WWOX: variants seen among roughly 807,000 people sequenced by gnomAD.
The protein encoded by WWOX is WW domain containing oxidoreductase, also known as WW domain-containing oxidoreductase.
A neutral mutation model predicts 46.2 loss-of-function variants in WWOX; 69 were observed. The observed-to-expected ratio is 1.49, with a 90% confidence interval of 1.23 to 1.82. WWOX has a LOEUF of 1.82. Among genes scored for constraint, WWOX ranks in the 40% most tolerant of loss-of-function variants. The pLI, the probability that WWOX is intolerant of heterozygous loss-of-function variation, is 0.00. For synonymous variants in WWOX, 359 were observed against 202.6 expected, an observed-to-expected ratio of 1.77 and a Z score of -6.56; for missense variants, 919 against 542.6, an observed-to-expected ratio of 1.69 and a Z score of -6.89.
At chr16:78,654,753 C>A (rs978887078) in intron 8 of WWOX, among the ~76,000 whole-genome samples, 5 of 151,798 alleles carry the variant, frequency 3.3e-5, no homozygotes, top group Non-Finnish European at 4.4e-5. Flanking sequence ...CTTTCTTAAC[C>A]TACATCCTAA....
At chr16:78,432,452 A>G in intron 7 of WWOX, 36 bp from the exon 8 acceptor site, 1 of 1,611,552 alleles carries the variant, frequency 6.2e-7, no homozygotes, top group South Asian at 1.1e-5. Flanking sequence ...GGAAGTCAGA[A>G]CTTGGTTGCT....
At chr16:78,694,495 C>G (rs998774415) in intron 8 of WWOX, among the ~76,000 whole-genome samples, 1 of 152,110 alleles carries the variant, frequency 6.6e-6, no homozygotes, top group Non-Finnish European at 1.5e-5. Context: ...TGCTTTGCTC[C>G]AGTATCCATT....
chr16:78,428,024 C>T (rs1017573923), intron 7 of WWOX, among the ~76,000 whole-genome samples: 5 of 150,474 alleles, frequency 3.3e-5, no homozygotes, highest in African/African-American at 1.2e-4. Context: ...GTGGAGATTG[C>T]ACCAGTGCAC....
chr16:79,192,191 G>C (rs1248566977), intron 8 of WWOX, among the ~76,000 whole-genome samples: 1 of 152,228 alleles, frequency 6.6e-6, no homozygotes, highest in Admixed American at 6.5e-5. Flanking sequence ...AATAGGGAAT[G>C]TGTGTATTTT....
chr16:78,851,186 C>T (rs955841124), intron 8 of WWOX, among the ~76,000 whole-genome samples: 1 of 152,046 alleles, frequency 6.6e-6, no homozygotes, highest in Non-Finnish European at 1.5e-5. Context: ...CTTTGTGAGC[C>T]CACTAAGAGT....
chr16:78,747,647 C>T (rs1004607737), intron 8 of WWOX, among the ~76,000 whole-genome samples: 1 of 152,154 alleles, frequency 6.6e-6, no homozygotes, highest in Non-Finnish European at 1.5e-5. Context: ...CACTCTGTTT[C>T]TTTTCTTTTG....
chr16:78,261,773 T>G (rs1439899930), intron 5 of WWOX, among the ~76,000 whole-genome samples: 3 of 34,826 alleles, frequency 8.6e-5, no homozygotes, highest in African/African-American at 2.0e-4. Context: ...TCTATCTATG[T>G]ATCTATCTAT....
At chr16:78,472,886 A>G (rs1027761447) in intron 8 of WWOX, among the ~76,000 whole-genome samples, 1 of 151,714 alleles carries the variant, frequency 6.6e-6, no homozygotes, top group Non-Finnish European at 1.5e-5. Flanking sequence ...TTAGATCAAG[A>G]TGGGATTACT....
intron 6 of WWOX, among the ~76,000 whole-genome samples, chr16:78,420,420 A>C (rs2082896650): frequency 6.6e-6 from 1 of 152,176 alleles, no homozygotes; most frequent in Admixed American, 6.5e-5. Flanking sequence ...CATATAATGG[A>C]ATATTATTTG....
intron 5 of WWOX, among the ~76,000 whole-genome samples, chr16:78,302,251 G>T (rs1040920051): frequency 6.6e-6 from 1 of 152,168 alleles, no homozygotes. Context: ...GTGAGCCACT[G>T]TGCCCGGCCT....
At chr16:78,799,281 G>A (rs980879481) in intron 8 of WWOX, among the ~76,000 whole-genome samples, 1 of 152,132 alleles carries the variant, frequency 6.6e-6, no homozygotes, top group Non-Finnish European at 1.5e-5. Context: ...CATGGGCAGG[G>A]TACAGTCTGT....
At chr16:78,942,567 A>G (rs970675311) in intron 8 of WWOX, among the ~76,000 whole-genome samples, 6 of 151,648 alleles carry the variant, frequency 4.0e-5, no homozygotes, top group African/African-American at 9.8e-5. Context: ...ACCAGAATAC[A>G]TTATTTCAGA....
At chr16:79,026,570 C>T (rs2047646349) in intron 8 of WWOX, among the ~76,000 whole-genome samples, 1 of 150,748 alleles carries the variant, frequency 6.6e-6, no homozygotes, top group Admixed American at 6.6e-5. Context: ...CTGCACTCTC[C>T]TGCCTCTAGG....
At chr16:78,543,951 A>G (rs979593013) in intron 8 of WWOX, among the ~76,000 whole-genome samples, 3 of 152,180 alleles carry the variant, frequency 2.0e-5, no homozygotes, top group Non-Finnish European at 2.9e-5. Flanking sequence ...TTGTCAAAAA[A>G]AGAGGTTATG....
intron 8 of WWOX, among the ~76,000 whole-genome samples, chr16:78,771,812 TAAG>T (rs1567549208): frequency 7.4e-6 from 1 of 135,748 alleles, no homozygotes; most frequent in Non-Finnish European, 1.6e-5. Context: ...AATAAATAAA[TAAG>T]AGTTGGATCA....
At chr16:78,215,159 T>C (rs915336328) in intron 5 of WWOX, among the ~76,000 whole-genome samples, 3 of 152,198 alleles carry the variant, frequency 2.0e-5, no homozygotes, top group Non-Finnish European at 4.4e-5. Flanking sequence ...GTAAAATCAC[T>C]TAAGTCCCAT....
chr16:78,985,693 C>G (rs536930837), intron 8 of WWOX, among the ~76,000 whole-genome samples: 2 of 152,276 alleles, frequency 1.3e-5, no homozygotes, highest in African/African-American at 2.4e-5. Context: ...TGCTTGAATC[C>G]AAGAGATGGA....
chr16:78,457,420 C>G (rs563586251), intron 8 of WWOX, among the ~76,000 whole-genome samples: 1 of 152,300 alleles, frequency 6.6e-6, no homozygotes, highest in Admixed American at 6.5e-5. Context: ...TGCTTCGTGT[C>G]TTCCACGTAC....
At chr16:78,855,448 G>C (rs926662241) in intron 8 of WWOX, among the ~76,000 whole-genome samples, 1 of 152,144 alleles carries the variant, frequency 6.6e-6, no homozygotes. Flanking sequence ...TGATCTGAAA[G>C]GCACCACCTA....
Sources: gnomAD v4.1 joint callset for allele counts (sites outside exome capture counted in the v4.1 genomes callset) on GRCh38, gnomAD v4.1.1 for gene constraint, MANE v1.5 for transcripts, NCBI Gene and HGNC (gene_info 2026-07-23, HGNC 2026-07-21) for gene names.